The following ZFHX3 variants were observed in gnomAD, a reference collection of about 807,000 sequenced individuals.
ZFHX3 encodes zinc finger homeobox 3.
Under a neutral mutation model 279.1 loss-of-function variants are expected in ZFHX3, and 42 were observed. That is an observed-to-expected ratio of 0.15 (90% confidence interval 0.12 to 0.19). The LOEUF (loss-of-function observed/expected upper bound fraction) is 0.19. Among genes scored for constraint, ZFHX3 ranks in the 10% least tolerant of loss-of-function variants. The pLI, the probability that ZFHX3 is intolerant of heterozygous loss-of-function variation, is 1.00. For synonymous variants in ZFHX3, 2,293 were observed against 1,957.8 expected (o/e 1.17, Z -4.52); for missense variants, 4,981 against 4,754.0 (o/e 1.05, Z -1.40).
At chr16:73,326,089 A>G (rs1232668644) in intron 3 of ZFHX3, among the ~76,000 whole-genome samples, 1 of 152,218 alleles carries the variant, frequency 6.6e-6, no homozygotes, top group East Asian at 1.9e-4. Flanking sequence ...TGGTCCTTCT[A>G]CAGATGGAGA....
intron 2 of ZFHX3, among the ~76,000 whole-genome samples, chr16:73,638,631 C>T (rs1378067164): frequency 2.0e-5 from 3 of 152,110 alleles, no homozygotes; most frequent in South Asian, 2.1e-4. Flanking sequence ...ACAAACAAAC[C>T]TCTATTATAG....
At chr16:73,788,003 G>C (rs1959705199) in intron 1 of ZFHX3, among the ~76,000 whole-genome samples, 2 of 152,118 alleles carry the variant, frequency 1.3e-5, no homozygotes, top group Non-Finnish European at 2.9e-5. Context: ...TTGCAGAGGT[G>C]CAAGCTGAGT....
At chr16:73,375,120 T>C (rs1204889295) in intron 3 of ZFHX3, among the ~76,000 whole-genome samples, 3 of 152,216 alleles carry the variant, frequency 2.0e-5, no homozygotes, top group Non-Finnish European at 4.4e-5. Flanking sequence ...AATACTTCTA[T>C]TGCATGAATT....
intron 1 of ZFHX3, among the ~76,000 whole-genome samples, chr16:73,831,655 C>T (rs1961000618): frequency 6.6e-6 from 1 of 152,214 alleles, no homozygotes. Context: ...AATTGGCAAT[C>T]CCACAACTTT....
chr16:73,527,066 C>T (rs1307296720), intron 2 of ZFHX3, among the ~76,000 whole-genome samples: 2 of 152,126 alleles, frequency 1.3e-5, no homozygotes, highest in African/African-American at 4.8e-5. Context: ...CCTTTCTCCA[C>T]TCACACATTC....
At chr16:73,634,821 G>A (rs756974940) in intron 2 of ZFHX3, among the ~76,000 whole-genome samples, 8 of 152,056 alleles carry the variant, frequency 5.3e-5, no homozygotes, top group South Asian at 2.1e-4. Flanking sequence ...CTTCTCCTTC[G>A]TAAAATCTTG....
At chr16:73,563,170 TTGTGTGTGTGTGTGTGTGTGTGTGTGTG>T (rs200933190) in intron 2 of ZFHX3, among the ~76,000 whole-genome samples, 40 of 134,956 alleles carry the variant, frequency 3.0e-4, no homozygotes, top group Non-Finnish European at 4.6e-4. Context: ...TTTTGTTTTG[TTGTGTGTGTGTGTGTGTGTGTGTGTGTG>T]TGTGTGTGTG....
chr16:73,173,519 C>T (rs1967589266), intron 5 of ZFHX3, among the ~76,000 whole-genome samples: 1 of 152,098 alleles, frequency 6.6e-6, no homozygotes, highest in African/African-American at 2.4e-5. Flanking sequence ...TCCCAGTTTC[C>T]CTTTCCTCCA....
chr16:73,765,028 C>T (rs985834037), intron 1 of ZFHX3, among the ~76,000 whole-genome samples: 5 of 152,252 alleles, frequency 3.3e-5, no homozygotes, highest in South Asian at 4.1e-4. Context: ...AGGGTATTAC[C>T]CCAACTTTAT....
At chr16:73,428,880 G>A (rs530923142) in intron 3 of ZFHX3, among the ~76,000 whole-genome samples, 7 of 152,140 alleles carry the variant, frequency 4.6e-5, no homozygotes, top group East Asian at 3.9e-4. Context: ...CGTTCTTCCC[G>A]TCAGCCTCAC....
Position 73,509,892 on chromosome 16 carries a change from C to T in ZFHX3, c.-1546-53634G>A, listed in dbSNP as rs994854504. Among the ~76,000 whole-genome samples, 5 of 152,120 alleles carry T rather than the reference C, an allele frequency of 3.3e-5. No individual in the cohort carries two copies. The South Asian group carries it at 6.2e-4, about 19-fold the overall frequency. On this transcript the variant is annotated intron_variant, in intron 2 of 17. Transcript: ENST00000641206. ...TGCATTTTTAGTAGAGACGAGGTTT[C>T]ACCATGTTGGCCAGGCTGGTCTTGA...
chr16:73,119,189 A>C (rs1337221498), intron 7 of ZFHX3, among the ~76,000 whole-genome samples: 3 of 152,020 alleles, frequency 2.0e-5, no homozygotes, highest in Non-Finnish European at 2.9e-5. Context: ...CTGCAGCCTC[A>C]AACTTCTGTG....
chr16:73,770,767 A>G (rs1226953074), intron 1 of ZFHX3, among the ~76,000 whole-genome samples: 1 of 152,218 alleles, frequency 6.6e-6, no homozygotes, highest in Non-Finnish European at 1.5e-5. Flanking sequence ...TCTGCTTTGA[A>G]GATGATCATG....
intron 4 of ZFHX3, among the ~76,000 whole-genome samples, chr16:73,304,860 G>A (rs1434210876): frequency 1.3e-5 from 2 of 152,076 alleles, no homozygotes; most frequent in Non-Finnish European, 2.9e-5. Context: ...GTGCTTTGAG[G>A]TAGCACTTCT....
rs989169317 is a variant in ZFHX3, at chr16:73,431,343, C to A, written c.-1291+24660G>T. 4.6e-5 allele frequency among the ~76,000 whole-genome samples: 7 copies of A among 151,974 alleles called. No individual in the cohort carries two copies. In the East Asian group the frequency reaches 1.2e-3, roughly 25 times the overall value. On this transcript the variant is annotated intron_variant, in intron 3 of 17. Coordinates refer to the ZFHX3 transcript ENST00000641206. ...TCACCTGAGGTTGGGAGTTCAAGAC[C>A]AGCACGATCAATATGGTAAAACCCC...
chr16:73,211,274 G>A (rs541790406), intron 5 of ZFHX3, among the ~76,000 whole-genome samples: 1 of 152,266 alleles, frequency 6.6e-6, no homozygotes, highest in African/African-American at 2.4e-5. Flanking sequence ...AAGCAAGCTT[G>A]AGCAAAGTGT....
At position 72,895,911 on chromosome 16, in the gene ZFHX3, A is replaced by T. The variant is rs183021113; in HGVS notation, c.3217-5949T>A. On this transcript the variant is annotated intron_variant, in intron 3 of 9. Coordinates refer to ENST00000268489, the MANE Select transcript of ZFHX3 (RefSeq NM_006885.4). ...TAGATAGACGGATAGATAGGTAAAA[A>T]CAGACAGATAGCACCTGCAAAAGAC... Among the ~76,000 whole-genome samples, 14 of 152,350 alleles carry T rather than the reference A, an allele frequency of 9.2e-5. No individual in the cohort carries two copies. The East Asian group carries it at 2.7e-3, about 29-fold the overall frequency.
chr16:72,907,144 G>T (rs921243274), intron 3 of ZFHX3, among the ~76,000 whole-genome samples: 2 of 152,130 alleles, frequency 1.3e-5, no homozygotes, highest in African/African-American at 4.8e-5. Context: ...GTCTATGGAC[G>T]CTTTTATATT....
intron 4 of ZFHX3, among the ~76,000 whole-genome samples, chr16:73,311,673 C>G (rs1410249121): frequency 6.7e-6 from 1 of 150,150 alleles, no homozygotes; most frequent in Non-Finnish European, 1.5e-5. Flanking sequence ...TGTTTGTTCT[C>G]TTCTTTGAAC....
Sources: gnomAD v4.1 joint callset for allele counts (sites outside exome capture counted in the v4.1 genomes callset) on GRCh38, gnomAD v4.1.1 for gene constraint, MANE v1.5 for transcripts, NCBI Gene and HGNC (gene_info 2026-07-23, HGNC 2026-07-21) for gene names.